Variants in PHACTR1 observed in about 807,000 individuals in gnomAD.
The protein encoded by PHACTR1 is RPEL repeat containing 1.
A neutral mutation model predicts 69.2 loss-of-function variants in PHACTR1; 16 were observed. The ratio of observed to expected loss-of-function variants is 0.23; its 90% CI spans 0.16 to 0.35. PHACTR1 has a LOEUF of 0.35. PHACTR1 is among the 10% of genes least tolerant of loss of function. The pLI, the probability that PHACTR1 is intolerant of heterozygous loss-of-function variation, is 1.00. For synonymous variants in PHACTR1, 312 were observed against 284.5 expected (o/e 1.10, Z -0.97); for missense variants, 510 against 734.7 (o/e 0.69, Z 3.54).
rs60383041 is a variant in PHACTR1, at chr6:13,177,364, GCT to G, written c.497-5138_497-5137del. Reference sequence around the variant, plus strand: ...GTCTGTCTGTCTGTCTCTCTCTTGCGCTCTCTCTCTCTCTCTCTATATATATA... The same window carrying G: ...GTCTGTCTGTCTGTCTCTCTCTTGCGCTCTCTCTCTCTCTCTATATATATA... On this transcript the variant is annotated intron_variant, in intron 6 of 14. Coordinates refer to ENST00000332995, the MANE Select transcript of PHACTR1 (RefSeq NM_030948.6). 6.9e-3 allele frequency among the ~76,000 whole-genome samples: 1,005 copies of G among 145,856 alleles called. 23 individuals are homozygous for G. In the East Asian group the frequency reaches 0.097, roughly 14 times the overall value.
At chr6:12,944,783 A>ATTTTTTTTTTT (rs201376090) in intron 4 of PHACTR1, among the ~76,000 whole-genome samples, 4 of 119,290 alleles carry the variant, frequency 3.4e-5, no homozygotes, top group African/African-American at 1.4e-4. Flanking sequence ...ATTTATTTTT[A>ATTTTTTTTTTT]TTTATTTTTT....
chr6:12,801,281 T>C lies in PHACTR1; in HGVS notation c.250+51491T>C, dbSNP rs543603233. Among the ~76,000 whole-genome samples the C allele has an allele frequency of 2.7e-4, 41 of 152,298 alleles. No individual in the cohort carries two copies. In the South Asian group the frequency reaches 8.1e-3, roughly 30 times the overall value. The stretch of plus-strand genomic sequence containing the variant: ...CATCTAACTTGTTGATAAAGCCTCA[T>C]TGTGCGTGTTAAGTTAGTGAGATGG... On this transcript the variant is annotated intron_variant, in intron 4 of 14. Coordinates refer to ENST00000332995, the MANE Select transcript of PHACTR1 (RefSeq NM_030948.6).
At chr6:12,858,377 G>T (rs1391135355) in intron 4 of PHACTR1, among the ~76,000 whole-genome samples, 1 of 152,124 alleles carries the variant, frequency 6.6e-6, no homozygotes, top group South Asian at 2.1e-4. Flanking sequence ...ATATATAACT[G>T]TCCAGTGCCC....
chr6:12,939,376 G>A (rs1490304601), intron 4 of PHACTR1, among the ~76,000 whole-genome samples: 1 of 152,082 alleles, frequency 6.6e-6, no homozygotes, highest in African/African-American at 2.4e-5. Flanking sequence ...GGCATAGGAG[G>A]AAAAGTTCTG....
At chr6:12,937,780 T>G (rs947646098) in intron 4 of PHACTR1, among the ~76,000 whole-genome samples, 1 of 152,126 alleles carries the variant, frequency 6.6e-6, no homozygotes, top group African/African-American at 2.4e-5. Flanking sequence ...TTAAATTTTA[T>G]GAAAACACAA....
chr6:12,923,456 A>G (rs751193893), intron 4 of PHACTR1, among the ~76,000 whole-genome samples: 1 of 152,236 alleles, frequency 6.6e-6, no homozygotes, highest in Admixed American at 6.5e-5. Context: ...TGATAGCACA[A>G]TGCAATATCC....
chr6:12,723,159 C>G (rs1260658029), intron 3 of PHACTR1, among the ~76,000 whole-genome samples: 1 of 152,124 alleles, frequency 6.6e-6, no homozygotes, highest in Non-Finnish European at 1.5e-5. Flanking sequence ...CCAAGAGAAA[C>G]AGACCCTGGG....
intron 3 of PHACTR1, among the ~76,000 whole-genome samples, chr6:12,733,765 G>C (rs960080716): frequency 6.6e-5 from 10 of 152,162 alleles, no homozygotes; most frequent in Non-Finnish European, 1.2e-4. Context: ...TATCACTTGT[G>C]TGTACACTGA....
At chr6:13,254,043 C>G (rs1161774342) in intron 10 of PHACTR1, among the ~76,000 whole-genome samples, 4 of 152,164 alleles carry the variant, frequency 2.6e-5, no homozygotes, top group African/African-American at 9.7e-5. Flanking sequence ...GCCTGGCTAA[C>G]ATGGTGAAAC....
chr6:13,072,799 C>T (rs1809739765), intron 5 of PHACTR1, among the ~76,000 whole-genome samples: 1 of 151,964 alleles, frequency 6.6e-6, no homozygotes, highest in African/African-American at 2.4e-5. Flanking sequence ...GTTTTATGGG[C>T]CCTTGCTTTC....
intron 8 of PHACTR1, among the ~76,000 whole-genome samples, chr6:13,207,465 C>T (rs368312900): frequency 5.8e-4 from 89 of 152,292 alleles, no homozygotes; most frequent in Non-Finnish European, 4.1e-4. Flanking sequence ...AGTCGCTCTT[C>T]GGGGAGAGCT....
intron 4 of PHACTR1, among the ~76,000 whole-genome samples, chr6:12,787,482 C>T (rs883947): frequency 0.37 from 56,481 of 152,018 alleles, 11,284 homozygotes; most frequent in African/African-American, 0.5. Context: ...TGGAAAAGTT[C>T]TGATGTGTCC....
rs1481465260 is a variant in PHACTR1, at chr6:12,785,056, T to C, written c.250+35266T>C. ...ATTTATACATATATATCTATACACATACACACATATACATATATTATGCTT... is the reference window on the plus strand; with the variant it reads ...ATTTATACATATATATCTATACACACACACACATATACATATATTATGCTT... On this transcript the variant is annotated intron_variant, in intron 4 of 14. Coordinates refer to ENST00000332995, the MANE Select transcript of PHACTR1 (RefSeq NM_030948.6). Among the ~76,000 whole-genome samples, 2 of 151,758 alleles carry C rather than the reference T, an allele frequency of 1.3e-5. 1 individual carries two copies. The highest frequency in any genetic ancestry group is 4.8e-5 in the African/African-American group (2 of 41,312).
chr6:12,997,409 T>G lies in PHACTR1; in HGVS notation c.251-55956T>G, dbSNP rs369456200. Among the ~76,000 whole-genome samples, 11 of 148,730 alleles carry G rather than the reference T, an allele frequency of 7.4e-5. No homozygotes were observed. In the East Asian group the frequency reaches 2.1e-3, roughly 29 times the overall value. On this transcript the variant is annotated intron_variant, in intron 4 of 14. Transcript: ENST00000332995. ...AATATATATTGTATATATTTATATA[T>G]AGATAAATATATGGGGGATGGGGAG...
intron 4 of PHACTR1, among the ~76,000 whole-genome samples, chr6:12,783,109 G>A (rs1245849363): frequency 6.6e-6 from 1 of 152,150 alleles, no homozygotes; most frequent in Non-Finnish European, 1.5e-5. Flanking sequence ...GAAAATGAAA[G>A]GCTGTCAACA....
chr6:13,050,216 A>G (rs1206928863), intron 4 of PHACTR1, among the ~76,000 whole-genome samples: 1 of 152,122 alleles, frequency 6.6e-6, no homozygotes, highest in Non-Finnish European at 1.5e-5. Flanking sequence ...TTCTGAGGCT[A>G]TTTACTTGCC....
rs182803969 is a variant in PHACTR1 at position 12,734,280 on chromosome 6, T to C, written c.104-15364T>C. On this transcript the variant is annotated intron_variant, in intron 3 of 14. Transcript: ENST00000332995. ...AGCTCACTAACTTTTTTACAAGGTC[T>C]AATAAGCTTGGGAATTATGCCAAGG... 1.4e-4 allele frequency among the ~76,000 whole-genome samples: 22 copies of C among 152,330 alleles called. No homozygotes were observed. In the East Asian group the frequency reaches 4.1e-3, roughly 28 times the overall value.
chr6:13,055,301 G>T (rs1806600206), intron 5 of PHACTR1, among the ~76,000 whole-genome samples: 1 of 152,050 alleles, frequency 6.6e-6, no homozygotes, highest in South Asian at 2.1e-4. Flanking sequence ...GGTTCCTTAA[G>T]GTGTCGCAAA....
chr6:12,775,718 T>C (rs974395316), intron 4 of PHACTR1, among the ~76,000 whole-genome samples: 1 of 152,204 alleles, frequency 6.6e-6, no homozygotes, highest in East Asian at 1.9e-4. Flanking sequence ...GTACATTTTT[T>C]AGAAGCTTGG....
Sources: allele counts gnomAD v4.1 joint callset (sites outside exome capture counted in the v4.1 genomes callset), GRCh38; gene constraint gnomAD v4.1.1; transcripts MANE v1.5; gene names NCBI Gene and HGNC (gene_info 2026-07-23, HGNC 2026-07-21).